EMC8: variants seen among roughly 807,000 people sequenced by gnomAD.
EMC8 encodes the protein COX4 neighbor.
EMC8 carries 11 observed loss-of-function variants against 24.3 expected under a neutral mutation model. The ratio of observed to expected loss-of-function variants is 0.45; its 90% CI spans 0.28 to 0.75. The LOEUF is 0.75. Ranked by LOEUF, EMC8 falls within the 30% of genes least tolerant of loss-of-function variation. The pLI is 0.12. For missense variants in EMC8, 277 were observed against 282.7 expected (o/e 0.98, Z 0.14); for synonymous variants, 145 against 117.7 (o/e 1.23, Z -1.50).
At chr16:85,782,755 C>A (rs1276381634) in intron 2 of EMC8, among the ~76,000 whole-genome samples, 1 of 152,170 alleles carries the variant, frequency 6.6e-6, no homozygotes, top group East Asian at 1.9e-4. Flanking sequence ...ACTGCTACCC[C>A]CTCAAAAGCC....
intron 2 of EMC8, among the ~76,000 whole-genome samples, chr16:85,784,056 T>G (rs987607695): frequency 6.6e-6 from 1 of 152,190 alleles, no homozygotes. Flanking sequence ...TGGAGTGCAG[T>G]GGCGCGATCT....
chr16:85,781,091 A>C lies in EMC8; in HGVS notation c.378+120T>G, dbSNP rs1481177664. 1.3e-5 allele frequency: 9 copies of C among 692,344 alleles called. No individual in the cohort carries two copies. The African/African-American group carries it at 1.6e-4, about 12-fold the overall frequency. The allele number at this position is 692,344 out of a possible 1,614,324, so 42.9% of individuals were successfully genotyped here. A position where few individuals can be genotyped will look rare whatever the true frequency, so the allele number is the denominator to read the frequency against. On this transcript the variant is annotated intron_variant, in intron 3 of 4. Coordinates refer to ENST00000253457, the MANE Select transcript of EMC8 (RefSeq NM_006067.5). ...TGAGAGAAAACTGCAAGAGGCGGCAATGGTCTCAAGCAGATAAATGAGTGA... is the reference window on the plus strand; with the variant it reads ...TGAGAGAAAACTGCAAGAGGCGGCACTGGTCTCAAGCAGATAAATGAGTGA...
chr16:85,792,164 G>T (rs572870745), intron 1 of EMC8, among the ~76,000 whole-genome samples: 43 of 152,154 alleles, frequency 2.8e-4, no homozygotes, highest in Non-Finnish European at 5.0e-4. Context: ...TCAGAGCACA[G>T]AAACCACCTG....
chr16:85,793,429 G>C (rs954358219), intron 1 of EMC8, among the ~76,000 whole-genome samples: 1 of 152,202 alleles, frequency 6.6e-6, no homozygotes, highest in African/African-American at 2.4e-5. Context: ...ATGAGAAGGA[G>C]TGGGAACCAT....
intron 1 of EMC8, among the ~76,000 whole-genome samples, chr16:85,794,195 A>G (rs1174306218): frequency 1.3e-5 from 2 of 152,238 alleles, no homozygotes; most frequent in South Asian, 4.1e-4. Context: ...GAGAGTTTTC[A>G]TTGCCTTCAG....
chr16:85,798,418 G>C (rs1018381477), intron 1 of EMC8, among the ~76,000 whole-genome samples: 3 of 151,996 alleles, frequency 2.0e-5, no homozygotes, highest in African/African-American at 7.3e-5. Context: ...CACCGCGCCC[G>C]GCCCCACAGA....
intron 1 of EMC8, among the ~76,000 whole-genome samples, chr16:85,797,253 CA>C (rs1314558347): frequency 5.3e-5 from 8 of 152,112 alleles, no homozygotes; most frequent in African/African-American, 1.9e-4. Context: ...ACTAAAAATA[CA>C]AAAATTAGCT....
chr16:85,793,075 T>C (rs1300665931), intron 1 of EMC8: 1 of 152,232 alleles, frequency 6.6e-6, no homozygotes, highest in Non-Finnish European at 1.5e-5. Flanking sequence ...CTCTGCTCAA[T>C]GTCCTTTTTG....
rs758327106 is a variant in EMC8, at chr16:85,781,248, C to A, written c.341G>T (p.Arg114Ile). 1.2e-6 allele frequency: 2 copies of A among 1,613,072 alleles called. No individual in the cohort carries two copies. The highest frequency in any genetic ancestry group is 4.5e-5 in the East Asian group (2 of 44,820). Residue 114 changes from arginine (R) to isoleucine (I), a missense_variant, in exon 3 of 5, where the codon AGA becomes ATA. Transcript: ENST00000253457. ...AGTGTCGCTGAAGCCCTCGGCGATT[C>A]TGGAGGCCACCTTCTCTGCAACCTG... is the stretch of plus-strand genomic sequence containing the variant. ...PNQVAEKVAS[R>I]IAEGFSDTAL...
In EMC8 at chr16:85,778,958, C is replaced by T. The variant is rs1015989503; in HGVS notation, c.*750G>A. On this transcript the variant is annotated 3_prime_UTR_variant, in exon 5 of 5. Coordinates refer to ENST00000253457, the MANE Select transcript of EMC8 (RefSeq NM_006067.5). ...TCGGGAAGTCTAAGTCTTGTTTTTCCTAATACAAAAGAAACGATCATTTCC... is the reference window on the plus strand; with the variant it reads ...TCGGGAAGTCTAAGTCTTGTTTTTCTTAATACAAAAGAAACGATCATTTCC... 7.9e-5 allele frequency: 12 copies of T among 152,194 alleles called. No individual in the cohort carries two copies. The highest frequency in any genetic ancestry group is 2.9e-4 in the African/African-American group (12 of 41,440). 9.4% of individuals were successfully genotyped at this position (152,194 alleles called of 1,614,324 possible).
chr16:85,786,889 A>G (rs1386456633), intron 2 of EMC8, among the ~76,000 whole-genome samples: 1 of 152,186 alleles, frequency 6.6e-6, no homozygotes, highest in African/African-American at 2.4e-5. Flanking sequence ...GAGCCTGCGC[A>G]GGTCCATGTG....
chr16:85,796,258 G>C (rs753581600), intron 1 of EMC8, among the ~76,000 whole-genome samples: 1 of 152,064 alleles, frequency 6.6e-6, no homozygotes, highest in South Asian at 2.1e-4. Flanking sequence ...AATGGCACCA[G>C]TGCACCATCG....
intron 2 of EMC8, among the ~76,000 whole-genome samples, chr16:85,785,463 A>G (rs1029084469): frequency 3.9e-5 from 6 of 152,118 alleles, no homozygotes; most frequent in Admixed American, 1.3e-4. Context: ...CCAGCTACTC[A>G]GGAGCCTGAG....
intron 2 of EMC8, chr16:85,781,691 A>G (rs1290542679): frequency 5.4e-6 from 1 of 183,628 alleles, no homozygotes; most frequent in South Asian, 9.3e-5. Context: ...GCCTCAAGCA[A>G]TCTTACTGCC....
intron 1 of EMC8, chr16:85,792,960 A>C (rs1905081088): frequency 1.3e-5 from 2 of 152,252 alleles, no homozygotes. Context: ...AATGTAGTCA[A>C]ACTGACTCTG....
intron 2 of EMC8, among the ~76,000 whole-genome samples, chr16:85,786,353 G>A (rs556940391): frequency 6.6e-6 from 1 of 152,320 alleles, no homozygotes; most frequent in South Asian, 2.1e-4. Context: ...GGTTTTCCAG[G>A]CAGAAGCAAA....
intron 4 of EMC8, chr16:85,780,166 G>A: frequency 1.7e-6 from 1 of 604,056 alleles, no homozygotes; most frequent in Non-Finnish European, 2.9e-6. Flanking sequence ...CTGTGCTCTA[G>A]CGCCTGGGGT....
At chr16:85,784,877 G>A (rs2152073469) in intron 2 of EMC8, 1 of 152,354 alleles carries the variant, frequency 6.6e-6, no homozygotes, top group South Asian at 2.1e-4. Context: ...TTATTGGGGA[G>A]AGGGTAAGGA....
chr16:85,779,352 A>G lies in EMC8; in HGVS notation c.*356T>C, dbSNP rs1904383555. On this transcript the variant is annotated 3_prime_UTR_variant, in exon 5 of 5. Transcript: ENST00000253457. ...TGTGGGCTTTTTTTTTTTTTTTTAA[A>G]AAAAGATAGTTCAAAAGCCTTAAAA... 6.0e-6 allele frequency: 1 copy of G among 165,454 alleles called. No homozygotes were observed. The highest frequency in any genetic ancestry group is 2.4e-5 in the African/African-American group (1 of 41,420). 10.2% of individuals were successfully genotyped at this position (165,454 alleles called of 1,614,324 possible).
Sources: allele counts gnomAD v4.1 joint callset (sites outside exome capture counted in the v4.1 genomes callset), GRCh38; gene constraint gnomAD v4.1.1; transcripts MANE v1.5; gene names NCBI Gene and HGNC (gene_info 2026-07-23, HGNC 2026-07-21).